VAV3: variants seen among roughly 807,000 people sequenced by gnomAD.
VAV3 encodes guanine nucleotide exchange factor VAV3.
Under a neutral mutation model 131.2 loss-of-function variants are expected in VAV3, and 94 were observed. That is an observed-to-expected ratio of 0.72 (90% confidence interval 0.61 to 0.85). The LOEUF (loss-of-function observed/expected upper bound fraction) is 0.85, where lower values mean the gene tolerates loss of function less well. VAV3 is among the 40% of genes least tolerant of loss of function. The probability of loss-of-function intolerance (pLI) is 0.00; values close to 1 mark genes in which losing one functional copy is unlikely to be tolerated. For missense variants in VAV3, 939 were observed against 1,002.7 expected, an observed-to-expected ratio of 0.94 and a Z score of 0.86; for synonymous variants, 349 against 342.0, an observed-to-expected ratio of 1.02 and a Z score of -0.22.
intron 1 of VAV3, among the ~76,000 whole-genome samples, chr1:107,922,207 G>A (rs561284558): frequency 1.3e-5 from 2 of 152,060 alleles, no homozygotes; most frequent in Admixed American, 1.3e-4. Context: ...CTCAAGTGCT[G>A]TCCACATCAA....
At chr1:107,674,853 A>G (rs1294255286) in intron 19 of VAV3, among the ~76,000 whole-genome samples, 1 of 152,170 alleles carries the variant, frequency 6.6e-6, no homozygotes, top group Non-Finnish European at 1.5e-5. Context: ...AGGAAACCCT[A>G]TCACCTTCTT....
At chr1:107,822,280 G>A (rs1444917892) in intron 2 of VAV3, among the ~76,000 whole-genome samples, 2 of 152,118 alleles carry the variant, frequency 1.3e-5, no homozygotes, top group African/African-American at 2.4e-5. Context: ...TGAAGGGAAG[G>A]CAAAGGGTTA....
intron 20 of VAV3, among the ~76,000 whole-genome samples, chr1:107,618,782 C>T (rs1440457777): frequency 6.6e-6 from 1 of 152,134 alleles, no homozygotes; most frequent in Admixed American, 6.5e-5. Flanking sequence ...TGCACTGCCT[C>T]TCTGTACAAG....
At chr1:107,792,576 T>C (rs951342436) in intron 2 of VAV3, among the ~76,000 whole-genome samples, 6 of 152,230 alleles carry the variant, frequency 3.9e-5, no homozygotes, top group Admixed American at 3.3e-4. Flanking sequence ...TGTTAATTAC[T>C]TAAGAAAACT....
intron 1 of VAV3, among the ~76,000 whole-genome samples, chr1:107,927,853 T>C (rs1456171061): frequency 1.3e-5 from 2 of 152,134 alleles, no homozygotes; most frequent in Non-Finnish European, 1.5e-5. Flanking sequence ...CTGGGGGAAC[T>C]TGCTGCCCTG....
intron 1 of VAV3, among the ~76,000 whole-genome samples, chr1:107,918,756 A>G (rs1571140789): frequency 7.0e-6 from 1 of 142,498 alleles, no homozygotes; most frequent in South Asian, 2.2e-4. Flanking sequence ...CCCAGGCTGG[A>G]GTGCAATGGT....
intron 1 of VAV3, among the ~76,000 whole-genome samples, chr1:107,930,902 C>A (rs1320396310): frequency 6.6e-6 from 1 of 152,134 alleles, no homozygotes; most frequent in Non-Finnish European, 1.5e-5. Context: ...GCCTTCAGAG[C>A]TAATATTCAA....
At chr1:107,959,359 A>C (rs1356738886) in intron 1 of VAV3, among the ~76,000 whole-genome samples, 5 of 152,048 alleles carry the variant, frequency 3.3e-5, no homozygotes, top group Admixed American at 3.3e-4. Context: ...TTGCAGCAAA[A>C]TTACTCCCTA....
At chr1:107,780,540 G>C (rs1235964481) in intron 2 of VAV3, among the ~76,000 whole-genome samples, 1 of 152,122 alleles carries the variant, frequency 6.6e-6, no homozygotes, top group Non-Finnish European at 1.5e-5. Context: ...TTTTGAGACA[G>C]AGTCTCACTC....
chr1:107,855,545 T>G (rs944286870), intron 2 of VAV3, among the ~76,000 whole-genome samples: 2 of 152,140 alleles, frequency 1.3e-5, no homozygotes, highest in African/African-American at 4.8e-5. Context: ...CCCAAAGTGC[T>G]AAGATTACAG....
intron 2 of VAV3, among the ~76,000 whole-genome samples, chr1:107,782,727 G>A (rs776019448): frequency 3.5e-4 from 53 of 152,156 alleles, no homozygotes; most frequent in Non-Finnish European, 6.0e-4. Context: ...AGAACAATGT[G>A]TATTCTATAA....
At chr1:107,922,862 G>C (rs902943980) in intron 1 of VAV3, among the ~76,000 whole-genome samples, 26 of 151,352 alleles carry the variant, frequency 1.7e-4, no homozygotes, top group African/African-American at 6.1e-4. Flanking sequence ...TGAGGCGGGA[G>C]AATGGCGTGA....
chr1:107,632,111 C>A (rs531813384), intron 20 of VAV3, among the ~76,000 whole-genome samples: 43 of 152,144 alleles, frequency 2.8e-4, no homozygotes, highest in Non-Finnish European at 5.2e-4. Context: ...AAAAGTGTAA[C>A]ACCTTATTTT....
At chr1:107,781,048 C>T (rs17556001) in intron 2 of VAV3, among the ~76,000 whole-genome samples, 17,931 of 152,142 alleles carry the variant, frequency 0.12, 1,197 homozygotes, top group Non-Finnish European at 0.14. Context: ...ACCAGCCACA[C>T]ATACACTTAT....
intron 2 of VAV3, among the ~76,000 whole-genome samples, chr1:107,793,932 C>G (rs1414976452): frequency 6.6e-6 from 1 of 152,206 alleles, no homozygotes; most frequent in Admixed American, 6.5e-5. Flanking sequence ...ACTTGACTTG[C>G]GTACTGCTGG....
intron 1 of VAV3, among the ~76,000 whole-genome samples, chr1:107,949,109 G>C (rs1346524786): frequency 3.3e-5 from 5 of 152,152 alleles, no homozygotes; most frequent in Non-Finnish European, 7.4e-5. Context: ...AAGCTTATTA[G>C]AATAGTGTAT....
intron 15 of VAV3, among the ~76,000 whole-genome samples, chr1:107,708,663 T>G (rs910907822): frequency 2.6e-5 from 4 of 152,128 alleles, no homozygotes; most frequent in African/African-American, 9.7e-5. Context: ...TCCTAACTGC[T>G]CCTCAGGCAT....
At chr1:107,679,448 C>G (rs1361760641) in intron 19 of VAV3, among the ~76,000 whole-genome samples, 3 of 152,062 alleles carry the variant, frequency 2.0e-5, no homozygotes, top group Non-Finnish European at 4.4e-5. Context: ...TCCACATAAT[C>G]TTTAGGCAGC....
intron 19 of VAV3, among the ~76,000 whole-genome samples, chr1:107,663,879 T>A (rs1415768746): frequency 6.6e-6 from 1 of 152,210 alleles, no homozygotes; most frequent in Non-Finnish European, 1.5e-5. Context: ...TATCACTTTA[T>A]AAGACATGTC....
Sources: allele counts gnomAD v4.1 joint callset (sites outside exome capture counted in the v4.1 genomes callset), GRCh38; gene constraint gnomAD v4.1.1; transcripts MANE v1.5; gene names NCBI Gene and HGNC (gene_info 2026-07-23, HGNC 2026-07-21).